The following TBC1D32 variants were observed in gnomAD, a reference collection of about 807,000 sequenced individuals.
TBC1D32 encodes protein broad-minded.
A neutral mutation model predicts 170.3 loss-of-function variants in TBC1D32; 151 were observed. That is an observed-to-expected ratio of 0.89 (90% CI 0.78 to 1.01). The LOEUF (loss-of-function observed/expected upper bound fraction) is 1.01. Ranked by LOEUF, TBC1D32 falls within the 50% of genes least tolerant of loss-of-function variation. The probability of loss-of-function intolerance (pLI) is 0.00; values close to 1 mark genes in which losing one functional copy is unlikely to be tolerated. For synonymous variants in TBC1D32, 498 were observed against 488.0 expected (o/e 1.02, Z -0.27); for missense variants, 1,464 against 1,457.1 (o/e 1.00, Z -0.08).
chr6:121,309,098 A>C (rs2128485762), intron 4 of TBC1D32, among the ~76,000 whole-genome samples: 1 of 152,320 alleles, frequency 6.6e-6, no homozygotes, highest in East Asian at 1.9e-4. Flanking sequence ...ATATACATAT[A>C]TTTGAAACTG....
intron 30 of TBC1D32, among the ~76,000 whole-genome samples, chr6:121,092,110 G>C (rs1299060047): frequency 6.6e-6 from 1 of 152,082 alleles, no homozygotes; most frequent in Non-Finnish European, 1.5e-5. Context: ...TTTGGCTCCA[G>C]AACTGTGAGA....
intron 14 of TBC1D32, among the ~76,000 whole-genome samples, 178 bp downstream of exon 14, chr6:121,281,366 T>C (rs916893454): frequency 1.3e-5 from 2 of 151,476 alleles, no homozygotes; most frequent in African/African-American, 4.8e-5. Context: ...TCATAATAAA[T>C]CAATCAACTG....
At chr6:121,231,275 A>C (rs1583312645) in intron 20 of TBC1D32, among the ~76,000 whole-genome samples, 1 of 152,112 alleles carries the variant, frequency 6.6e-6, no homozygotes, top group Non-Finnish European at 1.5e-5. Flanking sequence ...TTTATGGCTG[A>C]GTAGTATTCC....
At chr6:121,235,391 G>A (rs963435962) in intron 20 of TBC1D32, among the ~76,000 whole-genome samples, 2 of 152,170 alleles carry the variant, frequency 1.3e-5, no homozygotes, top group African/African-American at 4.8e-5. Context: ...AGGCGTGTCT[G>A]AGCTCAGCCT....
At chr6:121,296,498 C>G (rs9482131) in intron 10 of TBC1D32, among the ~76,000 whole-genome samples, 11,272 of 152,164 alleles carry the variant, frequency 0.074, 444 homozygotes, top group South Asian at 0.15. Flanking sequence ...AAATGTTTGC[C>G]TCCTACTGTG....
chr6:121,303,600 A>G lies in TBC1D32; in HGVS notation c.1080+17T>C. The G allele has an allele frequency of 6.6e-7, 1 of 1,521,900 alleles. No homozygotes were observed. 94.3% of individuals were successfully genotyped at this position (1,521,900 alleles called of 1,614,324 possible). On this transcript the variant is annotated intron_variant, in intron 9 of 31. Coordinates refer to ENST00000398212, the MANE Select transcript of TBC1D32 (RefSeq NM_152730.6). ...GCAATGCACTAAAAGGTATAAAAATATTCTATTTTTCCTTACCATCCACTT... is the reference window on the plus strand; with the variant it reads ...GCAATGCACTAAAAGGTATAAAAATGTTCTATTTTTCCTTACCATCCACTT...
At chr6:121,292,368 T>C (rs1371958462) in intron 11 of TBC1D32, among the ~76,000 whole-genome samples, 175 bp from the exon 12 acceptor site, 1 of 152,084 alleles carries the variant, frequency 6.6e-6, no homozygotes, top group Non-Finnish European at 1.5e-5. Flanking sequence ...TTACAATAAA[T>C]CCCCAAAGAA....
intron 30 of TBC1D32, among the ~76,000 whole-genome samples, chr6:121,105,299 C>T (rs745549972): frequency 2.0e-5 from 3 of 151,732 alleles, no homozygotes; most frequent in Non-Finnish European, 2.9e-5. Context: ...TCTTCATTTC[C>T]GTTAGGAGAA....
At chr6:121,324,650 T>G (rs994721464) in intron 1 of TBC1D32, among the ~76,000 whole-genome samples, 1 of 152,240 alleles carries the variant, frequency 6.6e-6, no homozygotes, top group Admixed American at 6.5e-5. Flanking sequence ...CTTATATTAT[T>G]TGAAGATCTT....
At chr6:121,174,168 T>A (rs1367069958) in intron 22 of TBC1D32, among the ~76,000 whole-genome samples, 1 of 151,936 alleles carries the variant, frequency 6.6e-6, no homozygotes, top group African/African-American at 2.4e-5. Context: ...AATGAAAGTA[T>A]AATTGCAAAC....
intron 22 of TBC1D32, among the ~76,000 whole-genome samples, chr6:121,192,986 G>C (rs1338578213): frequency 6.6e-6 from 1 of 152,118 alleles, no homozygotes; most frequent in Non-Finnish European, 1.5e-5. Flanking sequence ...CTAAAGTCCT[G>C]GCAGGCCTCT....
chr6:121,307,948 T>C, intron 5 of TBC1D32, 28 bp downstream of exon 5: 1 of 1,591,788 alleles, frequency 6.3e-7, no homozygotes, highest in South Asian at 1.1e-5. Flanking sequence ...ACAAATTATT[T>C]TTAATATTTC....
chr6:121,286,520 G>A (rs145584578), intron 12 of TBC1D32, among the ~76,000 whole-genome samples: 2,951 of 151,906 alleles, frequency 0.019, 36 homozygotes, highest in South Asian at 0.042. Flanking sequence ...CCAAATCTAC[G>A]TCTGATTGGT....
At chr6:121,285,733 C>T (rs1018082771) in intron 12 of TBC1D32, among the ~76,000 whole-genome samples, 5 of 152,148 alleles carry the variant, frequency 3.3e-5, no homozygotes, top group African/African-American at 1.2e-4. Flanking sequence ...CTGGGAGGCA[C>T]CCCCCAGTAG....
chr6:121,169,057 GA>G (rs201719482), intron 22 of TBC1D32, among the ~76,000 whole-genome samples: 15 of 68,672 alleles, frequency 2.2e-4, no homozygotes, highest in African/African-American at 4.0e-4. Context: ...TACAGAATCA[GA>G]AAAAAAATAT....
chr6:121,174,600 G>C (rs80173883), intron 22 of TBC1D32, among the ~76,000 whole-genome samples: 2 of 152,106 alleles, frequency 1.3e-5, no homozygotes, highest in Non-Finnish European at 2.9e-5. Context: ...AGAACAGTAG[G>C]ACAAAACTGG....
rs868461147 is a variant in TBC1D32, at chr6:121,281,672, C to G, written c.1480G>C (p.Ala494Pro). The change falls in exon 14 of 32, where the codon GCA becomes CCA. Residue 494 changes from alanine (A) to proline (P), a missense_variant. By Grantham distance (27) the Ala-to-Pro change is conservative (BLOSUM62 -1). This residue lies in a region of TBC1D32 where 1,363 missense variants were observed against 1,338.1 expected (regional missense o/e 1.02). Transcript: ENST00000398212. Reference sequence around the variant, plus strand: ...CACAGAACTTCAGTCACCATACTTGCAGGAGAGTAATTCTCTAATAAACAA... The same window carrying G: ...CACAGAACTTCAGTCACCATACTTGGAGGAGAGTAATTCTCTAATAAACAA... ...SAAHSENYSPASMVTEVLWIL... is the reference protein window; with the variant it reads ...SAAHSENYSPPSMVTEVLWIL... 3.8e-6 allele frequency: 6 copies of G among 1,593,674 alleles called. No homozygotes were observed. The Middle Eastern group carries it at 6.7e-4, about 177-fold the overall frequency.
At chr6:121,295,498 T>G (rs1316075865) in intron 10 of TBC1D32, among the ~76,000 whole-genome samples, 2 of 151,938 alleles carry the variant, frequency 1.3e-5, no homozygotes, top group Non-Finnish European at 2.9e-5. Flanking sequence ...GAGAAAAATT[T>G]AAAAAATAGA....
chr6:121,237,276 T>A (rs914770889), intron 20 of TBC1D32, among the ~76,000 whole-genome samples: 1 of 152,052 alleles, frequency 6.6e-6, no homozygotes, highest in East Asian at 1.9e-4. Flanking sequence ...ATCTCTTATA[T>A]GTAATATGTG....
Sources: allele counts gnomAD v4.1 joint callset (sites outside exome capture counted in the v4.1 genomes callset), GRCh38; gene constraint gnomAD v4.1.1; regional missense constraint gnomAD v4.1.1; transcripts MANE v1.5; gene names NCBI Gene and HGNC (gene_info 2026-07-23, HGNC 2026-07-21).